Variants in SORCS1 observed in about 807,000 individuals in gnomAD.
SORCS1 encodes sortilin related VPS10 domain containing receptor 1.
In SORCS1, 60 loss-of-function variants were observed where a neutral mutation model predicts 146.1. That is an observed-to-expected ratio of 0.41 (90% CI 0.33 to 0.51). The LOEUF (loss-of-function observed/expected upper bound fraction) is 0.51. Ranked by LOEUF, SORCS1 falls within the 20% of genes least tolerant of loss-of-function variation. The probability of loss-of-function intolerance (pLI) is 0.21; values close to 1 mark genes in which losing one functional copy is unlikely to be tolerated. For synonymous variants in SORCS1, 637 were observed against 584.0 expected, an observed-to-expected ratio of 1.09 and a Z score of -1.31; for missense variants, 1,352 against 1,487.6, an observed-to-expected ratio of 0.91 and a Z score of 1.50.
At chr10:107,035,898 A>G (rs1958886284) in intron 1 of SORCS1, among the ~76,000 whole-genome samples, 1 of 149,686 alleles carries the variant, frequency 6.7e-6, no homozygotes, top group Non-Finnish European at 1.5e-5. Context: ...ATTATATATT[A>G]CAAACAATAT....
chr10:107,148,925 T>C (rs529306634), intron 1 of SORCS1, among the ~76,000 whole-genome samples: 14 of 152,360 alleles, frequency 9.2e-5, no homozygotes, highest in Non-Finnish European at 1.6e-4. Flanking sequence ...CTTAAAATAA[T>C]GAAATTCCTA....
intron 2 of SORCS1, among the ~76,000 whole-genome samples, chr10:106,931,095 G>A (rs1953393799): frequency 6.6e-6 from 1 of 152,158 alleles, no homozygotes; most frequent in Non-Finnish European, 1.5e-5. Context: ...TACACTGGTT[G>A]TCTAATTTCC....
intron 1 of SORCS1, among the ~76,000 whole-genome samples, chr10:107,029,095 A>G (rs2133917875): frequency 6.6e-6 from 1 of 152,332 alleles, no homozygotes; most frequent in Non-Finnish European, 1.5e-5. Flanking sequence ...GAAGATTACT[A>G]TATAGTAAGC....
chr10:106,736,839 G>T (rs985074385), intron 5 of SORCS1, among the ~76,000 whole-genome samples: 5 of 152,022 alleles, frequency 3.3e-5, no homozygotes, highest in African/African-American at 7.2e-5. Context: ...AGAACCAAAG[G>T]TGCCTACTAA....
chr10:107,041,289 G>A (rs2133991475), intron 1 of SORCS1, among the ~76,000 whole-genome samples: 1 of 152,002 alleles, frequency 6.6e-6, no homozygotes, highest in East Asian at 1.9e-4. Context: ...CTGCAGTTAA[G>A]CATTTGATGA....
chr10:106,967,267 A>C (rs1955538022), intron 1 of SORCS1, among the ~76,000 whole-genome samples: 1 of 152,228 alleles, frequency 6.6e-6, no homozygotes, highest in African/African-American at 2.4e-5. Flanking sequence ...CAAAATATAT[A>C]TCCATATATA....
chr10:106,580,423 C>G (rs1051457775), intron 24 of SORCS1, among the ~76,000 whole-genome samples: 1 of 152,210 alleles, frequency 6.6e-6, no homozygotes, highest in Admixed American at 6.5e-5. Flanking sequence ...CACCTTCCCC[C>G]ATCTCACAGT....
chr10:106,603,399 C>T (rs556267167), intron 23 of SORCS1, among the ~76,000 whole-genome samples: 6 of 152,162 alleles, frequency 3.9e-5, no homozygotes, highest in African/African-American at 4.8e-5. Context: ...TAACCCAGCC[C>T]GCCTCATCCT....
chr10:107,016,493 A>AGACTC (rs1957903178), intron 1 of SORCS1, among the ~76,000 whole-genome samples: 1 of 152,088 alleles, frequency 6.6e-6, no homozygotes, highest in Non-Finnish European at 1.5e-5. Flanking sequence ...CAACAGAACA[A>AGACTC]GACTCTGTCT....
rs373170311 is a variant in SORCS1, at chr10:106,853,265, C to T, written c.627-23592G>A. 5.3e-5 allele frequency among the ~76,000 whole-genome samples: 8 copies of T among 152,222 alleles called. No homozygotes were observed. In the East Asian group the frequency reaches 1.4e-3, roughly 26 times the overall value. On this transcript the variant is annotated intron_variant, in intron 2 of 25. Transcript: ENST00000263054. The stretch of plus-strand genomic sequence containing the variant: ...TTAAATTTGTGGGTAGAAAAGTGTA[C>T]ATAATAGTCCTTTATTGTCTCTTTA...
chr10:106,660,955 A>G (rs1850682020), intron 17 of SORCS1, among the ~76,000 whole-genome samples: 1 of 152,258 alleles, frequency 6.6e-6, no homozygotes. Flanking sequence ...TGAGAAGATT[A>G]TCTTGGTTTC....
chr10:106,922,496 G>T (rs1267085193), intron 2 of SORCS1, among the ~76,000 whole-genome samples: 1 of 152,210 alleles, frequency 6.6e-6, no homozygotes, highest in Non-Finnish European at 1.5e-5. Context: ...AACGAAACCA[G>T]TCAAAGACAT....
chr10:106,630,011 C>T (rs1407109068), intron 18 of SORCS1, among the ~76,000 whole-genome samples: 1 of 152,212 alleles, frequency 6.6e-6, no homozygotes, highest in Non-Finnish European at 1.5e-5. Context: ...TGCCACTGCA[C>T]TCCAGCCTGA....
In SORCS1 at chr10:106,677,372, C is replaced by T; in HGVS notation, c.1773G>A (p.Leu591=). 6.2e-7 allele frequency: 1 copy of T among 1,613,956 alleles called. No individual in the cohort carries two copies. Among genetic ancestry groups the T allele is most frequent in the Non-Finnish European group, 8.5e-7 (1 of 1,179,880 alleles). The change falls in exon 13 of 26, where the codon CTG becomes CTA. Residue 591 remains leucine, a synonymous_variant. Transcript: ENST00000263054. ...IFEEEHSVLY[L]DQGGVLVAMK... is the part of the protein sequence containing the mutation. ...TAGCAACCAGGACTCCACCTTGATC[C>T]AGGTACAAAACACTGTGCTCTTCTT...
At chr10:106,737,749 C>G (rs1021609652) in intron 5 of SORCS1, among the ~76,000 whole-genome samples, 1 of 148,532 alleles carries the variant, frequency 6.7e-6, no homozygotes, top group Non-Finnish European at 1.5e-5. Flanking sequence ...TAGAGAGATA[C>G]CAGGGACCAT....
intron 3 of SORCS1, among the ~76,000 whole-genome samples, chr10:106,798,231 C>T (rs1182322680): frequency 3.3e-5 from 5 of 152,160 alleles, no homozygotes; most frequent in East Asian, 1.9e-4. Flanking sequence ...ATTGTGAGTC[C>T]TCCCCAGCCC....
rs867794400 is a variant in SORCS1, at chr10:106,679,478, A to G, written c.1664-146T>C. ...TTTCTGCAGACTTGCTTCAGGTCCA[A>G]TGGTTTAGGTGCCTTTCAAAATTAT... On this transcript the variant is annotated intron_variant, in intron 11 of 25. Transcript: ENST00000263054. The G allele has an allele frequency of 9.9e-5, 93 of 937,450 alleles. 1 individual carries two copies. The highest frequency in any genetic ancestry group is 6.6e-4 in the African/African-American group (40 of 60,636). 58.1% of individuals were successfully genotyped at this position (937,450 alleles called of 1,614,324 possible).
chr10:106,768,484 G>A (rs1394684928), intron 4 of SORCS1, among the ~76,000 whole-genome samples: 2 of 152,108 alleles, frequency 1.3e-5, no homozygotes, highest in Non-Finnish European at 2.9e-5. Flanking sequence ...TCTCAATCTT[G>A]CCCTTTTGAC....
At chr10:106,682,179 A>T (rs991437047) in intron 10 of SORCS1, among the ~76,000 whole-genome samples, 3 of 152,154 alleles carry the variant, frequency 2.0e-5, no homozygotes, top group Non-Finnish European at 4.4e-5. Flanking sequence ...CAAACAAAAC[A>T]AAAAACAAGA....
Sources: allele counts gnomAD v4.1 joint callset (sites outside exome capture counted in the v4.1 genomes callset), GRCh38; gene constraint gnomAD v4.1.1; transcripts MANE v1.5; gene names NCBI Gene and HGNC (gene_info 2026-07-23, HGNC 2026-07-21).